BCCIP: variants seen among roughly 807,000 people sequenced by gnomAD.
BCCIP encodes the protein BRCA2 and CDKN1A-interacting protein.
In BCCIP, 23 loss-of-function variants were observed where a neutral mutation model predicts 32.8. That is an observed-to-expected ratio of 0.70 (90% CI 0.51 to 0.99). The LOEUF (loss-of-function observed/expected upper bound fraction) is 0.99. Ranked by LOEUF, BCCIP falls within the 50% of genes least tolerant of loss-of-function variation. The pLI, the probability that BCCIP is intolerant of heterozygous loss-of-function variation, is 0.00. For missense variants in BCCIP, 378 were observed against 379.8 expected, an observed-to-expected ratio of 1.00 and a Z score of 0.04; for synonymous variants, 144 against 137.6, an observed-to-expected ratio of 1.05 and a Z score of -0.33.
At chr10:125,850,094 CAGCT>C (rs944235739) in intron 7 of BCCIP, among the ~76,000 whole-genome samples, 1 of 148,398 alleles carries the variant, frequency 6.7e-6, no homozygotes. Context: ...GCTTCCCAAA[CAGCT>C]AGTACTACAG....
At position 125,827,032 on chromosome 10, in the gene BCCIP, T is replaced by TC. The variant is rs955774549; in HGVS notation, c.240+368dup. Among the ~76,000 whole-genome samples, 399 of 149,888 alleles carry TC rather than the reference T, an allele frequency of 2.7e-3. 1 individual carries two copies. Among genetic ancestry groups the TC allele is most frequent in the African/African-American group, 9.2e-3 (375 of 40,894 alleles). On this transcript the variant is annotated intron_variant, in intron 2 of 6. Coordinates refer to ENST00000278100, the MANE Select transcript of BCCIP (RefSeq NM_078468.3). ...AAAATTCAGGTCATTCAATACAGGCTCTCCCAAGTTCATCTTTTTAGAATT... is the reference window on the plus strand; with the variant it reads ...AAAATTCAGGTCATTCAATACAGGCTCCTCCCAAGTTCATCTTTTTAGAATT...
intron 3 of BCCIP, among the ~76,000 whole-genome samples, chr10:125,829,753 C>T (rs551302035): frequency 6.6e-6 from 1 of 152,338 alleles, no homozygotes; most frequent in East Asian, 1.9e-4. Context: ...CTAGCTGATT[C>T]GTGTCTTAGA....
exon 7 of BCCIP, chr10:125,842,205 G>T: frequency 2.6e-6 from 1 of 383,118 alleles, no homozygotes; most frequent in Non-Finnish European, 4.6e-6. Flanking sequence ...GAGCCTGCCA[G>T]CCTCCCTGCA....
downstream of BCCIP, chr10:125,838,105 G>C (rs1189477631): frequency 8.8e-7 from 1 of 1,135,574 alleles, no homozygotes; most frequent in East Asian, 2.4e-5. Context: ...GATTGCATCA[G>C]TATAAACTTT....
chr10:125,840,909 T>C (rs750504021), downstream of BCCIP: 15 of 1,612,428 alleles, frequency 9.3e-6, no homozygotes, highest in Non-Finnish European at 1.2e-5. Flanking sequence ...GAGGGTAAAG[T>C]GATCTCCTTC....
downstream of BCCIP, chr10:125,836,560 G>T (rs1002158569): frequency 4.5e-6 from 6 of 1,346,782 alleles, no homozygotes; most frequent in African/African-American, 8.8e-5. Context: ...AATATACACA[G>T]TGTTATTTTC....
chr10:125,830,355 A>G (rs1468084800), intron 3 of BCCIP, among the ~76,000 whole-genome samples: 1 of 152,262 alleles, frequency 6.6e-6, no homozygotes, highest in African/African-American at 2.4e-5. Context: ...AAGGTCACAC[A>G]GTATTTAAGA....
At position 125,841,861 on chromosome 10, in the gene BCCIP, A is replaced by G. The variant is rs767938640; in HGVS notation, c.*502A>G. 6 of 1,613,864 alleles carry G rather than the reference A, an allele frequency of 3.7e-6. No individual in the cohort carries two copies. In the South Asian group the frequency reaches 6.6e-5, roughly 18 times the overall value. On this transcript the variant is annotated 3_prime_UTR_variant, in exon 7 of 7. Coordinates refer to the BCCIP transcript ENST00000299130. ...ACTCTGACATGATGATTCCAAATTC[A>G]GAAAGATTTCCATCATTATCCAGTG... is the stretch of plus-strand genomic sequence containing the variant.
chr10:125,848,292 A>G (rs915595747), intron 7 of BCCIP, among the ~76,000 whole-genome samples: 1 of 152,192 alleles, frequency 6.6e-6, no homozygotes, highest in Non-Finnish European at 1.5e-5. Flanking sequence ...TTAATTTCAC[A>G]GGGACATGTT....
intron 3 of BCCIP, among the ~76,000 whole-genome samples, chr10:125,829,240 G>T (rs147389192): frequency 5.3e-4 from 80 of 152,298 alleles, no homozygotes; most frequent in African/African-American, 1.9e-3. Flanking sequence ...TACTAGCACC[G>T]ATCTTGTAGA....
At chr10:125,850,813 G>GCCTCT in intron 7 of BCCIP, among the ~76,000 whole-genome samples, 1 of 152,290 alleles carries the variant, frequency 6.6e-6, no homozygotes, top group Admixed American at 6.5e-5. Context: ...AATGAGTTCT[G>GCCTCT]CCTCTGAATA....
downstream of BCCIP, chr10:125,836,640 A>C (rs1437440402): frequency 6.3e-7 from 1 of 1,593,390 alleles, no homozygotes; most frequent in Non-Finnish European, 8.6e-7. Context: ...CAGTTCAGCC[A>C]TCCAGCTACC....
exon 7 of BCCIP, chr10:125,842,053 C>T (rs149044729): frequency 3.1e-5 from 40 of 1,288,466 alleles, no homozygotes; most frequent in African/African-American, 1.7e-4. Flanking sequence ...TGTGAAACAA[C>T]GGTTTGCAAG....
At chr10:125,839,059 C>G (rs771173173), downstream of BCCIP, 1 of 1,614,142 alleles carries the variant, frequency 6.2e-7, no homozygotes, top group South Asian at 1.1e-5. Context: ...TTCCTTGGAG[C>G]CAAAAGCAGG....
At chr10:125,832,778 C>T (rs966344321) in intron 5 of BCCIP, among the ~76,000 whole-genome samples, 24 of 151,226 alleles carry the variant, frequency 1.6e-4, no homozygotes, top group Admixed American at 5.9e-4. Context: ...GCACGCCAGC[C>T]TGGGCAAAAT....
chr10:125,827,570 G>T lies in BCCIP; in HGVS notation c.253G>T (p.Ala85Ser), dbSNP rs139873962. The change falls in exon 3 of 7, where the codon GCT becomes TCT. Residue 85 changes from alanine to serine, a missense_variant. Ala to Ser is a moderately conservative substitution (Grantham distance 99). Coordinates refer to ENST00000278100, the MANE Select transcript of BCCIP (RefSeq NM_078468.3). ...TTCCTCCTTTTAGCTTTTTCTAAAG[G>T]CTCCTGTGAACACTGCAGAACTAAC... ...KKLLQQLFLK[A>S]PVNTAELTDL... 3.1e-6 allele frequency: 5 copies of T among 1,606,142 alleles called. No individual in the cohort carries two copies. Among genetic ancestry groups the T allele is most frequent in the African/African-American group, 2.7e-5 (2 of 74,596 alleles).
At chr10:125,840,669 G>T (rs1247155892), downstream of BCCIP, among the ~76,000 whole-genome samples, 1 of 152,246 alleles carries the variant, frequency 6.6e-6, no homozygotes, top group African/African-American at 2.4e-5. Flanking sequence ...GGGAGCAGGG[G>T]GACTGAGCAT....
At chr10:125,848,786 A>G (rs1220092506) in intron 7 of BCCIP, among the ~76,000 whole-genome samples, 3 of 152,198 alleles carry the variant, frequency 2.0e-5, no homozygotes, top group Admixed American at 6.5e-5. Flanking sequence ...TGACTGTGCT[A>G]TAGCATTTAC....
At chr10:125,836,909 C>T, downstream of BCCIP, 1 of 1,523,724 alleles carries the variant, frequency 6.6e-7, no homozygotes, top group Non-Finnish European at 9.0e-7. Flanking sequence ...TGGTGAGAGA[C>T]ACCAAACATT....
Sources: allele counts gnomAD v4.1 joint callset (sites outside exome capture counted in the v4.1 genomes callset), GRCh38; gene constraint gnomAD v4.1.1; transcripts MANE v1.5; gene names NCBI Gene and HGNC (gene_info 2026-07-23, HGNC 2026-07-21).